TGFBR3: variants seen among roughly 807,000 people sequenced by gnomAD.
TGFBR3 encodes the protein transforming growth factor beta receptor 3.
Under a neutral mutation model 87.9 loss-of-function variants are expected in TGFBR3, and 46 were observed. The ratio of observed to expected loss-of-function variants is 0.52; its 90% CI spans 0.41 to 0.67. TGFBR3 has a LOEUF of 0.67. TGFBR3 is among the 30% of genes least tolerant of loss of function. TGFBR3 has a pLI of 0.00. For missense variants in TGFBR3, 866 were observed against 1,041.9 expected, an observed-to-expected ratio of 0.83 and a Z score of 2.32; for synonymous variants, 381 against 391.6, an observed-to-expected ratio of 0.97 and a Z score of 0.32.
At chr1:91,690,321 T>C (rs917973033) in intron 16 of TGFBR3, among the ~76,000 whole-genome samples, 3 of 152,198 alleles carry the variant, frequency 2.0e-5, no homozygotes, top group Non-Finnish European at 2.9e-5. Flanking sequence ...TTTTACTCTC[T>C]TAAGAGGAGG....
At chr1:91,884,823 G>A (rs890086623) in intron 1 of TGFBR3, among the ~76,000 whole-genome samples, 1 of 152,254 alleles carries the variant, frequency 6.6e-6, no homozygotes, top group African/African-American at 2.4e-5. Flanking sequence ...TCAGGAAGAA[G>A]AAACGGTCTT....
upstream of TGFBR3, among the ~76,000 whole-genome samples, chr1:91,890,826 C>T (rs191968184): frequency 1.1e-4 from 16 of 152,234 alleles, no homozygotes; most frequent in East Asian, 5.8e-4. Context: ...CTACAGAATC[C>T]GTTCATGCTC....
intron 2 of TGFBR3, among the ~76,000 whole-genome samples, chr1:91,856,806 A>T (rs747565530): frequency 2.0e-5 from 3 of 152,042 alleles, no homozygotes; most frequent in Non-Finnish European, 4.4e-5. Context: ...ACTGGTAGCT[A>T]CTCACCTGGT....
chr1:91,732,605 A>G (rs7517044), intron 5 of TGFBR3, among the ~76,000 whole-genome samples: 55,167 of 151,998 alleles, frequency 0.36, 10,741 homozygotes, highest in African/African-American at 0.51. Context: ...AGCCGTGGTG[A>G]TAAACATATC....
At chr1:91,699,411 CTCTTTTTCTCTT>C in intron 14 of TGFBR3, among the ~76,000 whole-genome samples, 1 of 138,800 alleles carries the variant, frequency 7.2e-6, no homozygotes, top group Non-Finnish European at 1.5e-5. Context: ...AGTTCTCTCT[CTCTTTTTCTCTT>C]TCTTTTGCTT....
intron 2 of TGFBR3, among the ~76,000 whole-genome samples, chr1:91,806,477 G>GC (rs1260706007): frequency 6.6e-6 from 1 of 151,434 alleles, no homozygotes; most frequent in Admixed American, 6.6e-5. Flanking sequence ...AATACTGGCG[G>GC]GGGGGGTAAT....
At chr1:91,871,813 C>T (rs1045409632) in intron 1 of TGFBR3, among the ~76,000 whole-genome samples, 5 of 152,142 alleles carry the variant, frequency 3.3e-5, no homozygotes, top group African/African-American at 1.2e-4. Context: ...TCAAATCCCC[C>T]ACCTGCCTTT....
rs1178382066 is a variant in TGFBR3 at position 91,758,596 on chromosome 1, G to A, written c.384+17C>T. Reference sequence around the variant, plus strand: ...CCTTGTGCTAAGGATCAGTTTGGGGGAGGTTTAAGCACTTACCAAAAACAG... The same window carrying A: ...CCTTGTGCTAAGGATCAGTTTGGGGAAGGTTTAAGCACTTACCAAAAACAG... On this transcript the variant is annotated intron_variant, in intron 4 of 16. Coordinates refer to ENST00000212355, the MANE Select transcript of TGFBR3 (RefSeq NM_003243.5). The A allele has an allele frequency of 1.9e-6, 3 of 1,613,790 alleles. No homozygotes were observed. Among genetic ancestry groups the A allele is most frequent in the African/African-American group, 1.3e-5 (1 of 75,010 alleles).
At chr1:91,863,366 C>T (rs2101203725) in intron 1 of TGFBR3, among the ~76,000 whole-genome samples, 1 of 152,202 alleles carries the variant, frequency 6.6e-6, no homozygotes, top group South Asian at 2.1e-4. Context: ...TCCACTCTGC[C>T]CCTTACCAAA....
At chr1:91,889,376 AACC>A (rs1679399690), upstream of TGFBR3, among the ~76,000 whole-genome samples, 1 of 152,198 alleles carries the variant, frequency 6.6e-6, no homozygotes, top group African/African-American at 2.4e-5. Flanking sequence ...CTAAGTCCTT[AACC>A]ACCAGGTTCT....
At chr1:91,738,556 G>A (rs1000646278) in intron 4 of TGFBR3, among the ~76,000 whole-genome samples, 1 of 152,206 alleles carries the variant, frequency 6.6e-6, no homozygotes, top group African/African-American at 2.4e-5. Flanking sequence ...ATGTGTAAGT[G>A]CCTGCACCTG....
At chr1:91,714,638 G>C (rs1672097027) in intron 12 of TGFBR3, among the ~76,000 whole-genome samples, 1 of 152,186 alleles carries the variant, frequency 6.6e-6, no homozygotes. Context: ...TAAGGTACAG[G>C]AGGAAGATTG....
At chr1:91,800,240 AAAT>A (rs1184906389) in intron 2 of TGFBR3, among the ~76,000 whole-genome samples, 1 of 123,354 alleles carries the variant, frequency 8.1e-6, no homozygotes, top group African/African-American at 3.3e-5. Flanking sequence ...AAAAAAAAAA[AAAT>A]ATATATATAT....
chr1:91,823,966 C>A (rs752777860), intron 2 of TGFBR3, among the ~76,000 whole-genome samples: 20 of 152,040 alleles, frequency 1.3e-4, no homozygotes, highest in Non-Finnish European at 2.8e-4. Context: ...CCCGTCTCTA[C>A]AAAAAATACA....
rs192109774 is a variant in TGFBR3 at position 91,901,009 on chromosome 1, C to A, written c.-174-1312G>T. 2.0e-5 allele frequency among the ~76,000 whole-genome samples: 3 copies of A among 152,308 alleles called. No homozygotes were observed. The East Asian group carries it at 5.8e-4, about 29-fold the overall frequency. On this transcript the variant is annotated intron_variant, in intron 1 of 17. Transcript: ENST00000370399. Reference sequence around the variant, plus strand: ...TGGAATACCTGGGACTATAGGCATACACCACTGAATGTGGCTTCTCATATG... The same window carrying A: ...TGGAATACCTGGGACTATAGGCATAAACCACTGAATGTGGCTTCTCATATG...
chr1:91,838,195 G>A (rs1271636813), intron 2 of TGFBR3, among the ~76,000 whole-genome samples: 1 of 152,070 alleles, frequency 6.6e-6, no homozygotes, highest in Admixed American at 6.6e-5. Context: ...CAGAAAAAAA[G>A]CAATTCTGAA....
At chr1:91,763,937 C>T (rs34038846) in intron 3 of TGFBR3, among the ~76,000 whole-genome samples, 29,065 of 152,096 alleles carry the variant, frequency 0.19, 3,081 homozygotes, top group East Asian at 0.45. Flanking sequence ...TGGGAATTGG[C>T]ATAAAAAGAT....
chr1:91,759,849 T>C (rs1006376863), intron 3 of TGFBR3, among the ~76,000 whole-genome samples: 1 of 152,190 alleles, frequency 6.6e-6, no homozygotes, highest in Non-Finnish European at 1.5e-5. Context: ...ATGGTCTAGA[T>C]CCACGATCTG....
At position 91,682,568 on chromosome 1, in the gene TGFBR3, G is replaced by C; in HGVS notation, c.*1171C>G. The C allele has an allele frequency of 2.2e-6, 1 of 453,650 alleles. No individual in the cohort carries two copies. The highest frequency in any genetic ancestry group is 4.4e-6 in the Non-Finnish European group (1 of 226,730). The allele number at this position is 453,650 out of a possible 1,614,324, so 28.1% of individuals were successfully genotyped here. A position where few individuals can be genotyped will look rare whatever the true frequency, so the allele number is the denominator to read the frequency against. ...AAGAGAAGTAAGGCAATCCAAATGA[G>C]TGCCCTTTTCCAATCTCAGCACTGT... On this transcript the variant is annotated 3_prime_UTR_variant, in exon 17 of 17. Coordinates refer to ENST00000212355, the MANE Select transcript of TGFBR3 (RefSeq NM_003243.5).
Sources: allele counts gnomAD v4.1 joint callset (sites outside exome capture counted in the v4.1 genomes callset), GRCh38; gene constraint gnomAD v4.1.1; transcripts MANE v1.5; gene names NCBI Gene and HGNC (gene_info 2026-07-23, HGNC 2026-07-21).